The following LRRTM4 variants were observed in gnomAD, a reference collection of about 807,000 sequenced individuals.
LRRTM4 encodes the protein leucine rich repeat transmembrane neuronal 4.
Under a neutral mutation model 47.6 loss-of-function variants are expected in LRRTM4, and 25 were observed. The ratio of observed to expected loss-of-function variants is 0.53; its 90% CI spans 0.38 to 0.73. The LOEUF (loss-of-function observed/expected upper bound fraction) is 0.73. Ranked by LOEUF, LRRTM4 falls within the 30% of genes least tolerant of loss-of-function variation. The pLI is 0.00. For synonymous variants in LRRTM4, 311 were observed against 269.5 expected, an observed-to-expected ratio of 1.15 and a Z score of -1.51; for missense variants, 638 against 713.4, an observed-to-expected ratio of 0.89 and a Z score of 1.20.
chr2:77,421,557 A>G (rs1674886083), intron 3 of LRRTM4, among the ~76,000 whole-genome samples: 1 of 152,012 alleles, frequency 6.6e-6, no homozygotes, highest in Non-Finnish European at 1.5e-5. Context: ...AATACAAAAA[A>G]TTAGCCGGGC....
chr2:77,089,417 C>G (rs549025927), intron 3 of LRRTM4, among the ~76,000 whole-genome samples: 22 of 151,350 alleles, frequency 1.5e-4, no homozygotes, highest in Non-Finnish European at 2.5e-4. Flanking sequence ...TGCCCCAATC[C>G]CTTATTTCCG....
At chr2:77,040,788 T>C in intron 3 of LRRTM4, among the ~76,000 whole-genome samples, 1 of 151,332 alleles carries the variant, frequency 6.6e-6, no homozygotes, top group East Asian at 1.9e-4. Context: ...CATTTTAAGT[T>C]TTATTTTGTT....
chr2:77,369,631 T>A (rs1672587706), intron 3 of LRRTM4, among the ~76,000 whole-genome samples: 1 of 151,770 alleles, frequency 6.6e-6, no homozygotes, highest in Non-Finnish European at 1.5e-5. Context: ...TTATGGGTGC[T>A]TAACTACAGA....
intron 3 of LRRTM4, among the ~76,000 whole-genome samples, chr2:77,334,130 A>G (rs751127138): frequency 6.6e-6 from 1 of 152,260 alleles, no homozygotes; most frequent in Middle Eastern, 3.4e-3. Context: ...CCCCCATTGT[A>G]TCTAGGAAGT....
intron 3 of LRRTM4, among the ~76,000 whole-genome samples, chr2:76,974,918 A>G (rs889706593): frequency 1.3e-5 from 2 of 151,712 alleles, no homozygotes; most frequent in Admixed American, 1.3e-4. Flanking sequence ...TTTTAATAAT[A>G]ATATCTTTTT....
At chr2:77,174,190 G>C (rs1673130615) in intron 3 of LRRTM4, among the ~76,000 whole-genome samples, 1 of 152,062 alleles carries the variant, frequency 6.6e-6, no homozygotes, top group African/African-American at 2.4e-5. Flanking sequence ...GACACTGGTG[G>C]TTCTTATTCT....
At chr2:76,784,023 G>T (rs547575414) in intron 3 of LRRTM4, among the ~76,000 whole-genome samples, 23 of 152,216 alleles carry the variant, frequency 1.5e-4, no homozygotes, top group Admixed American at 3.3e-4. Context: ...ATGTTTTATT[G>T]TGAAAGTGAG....
intron 3 of LRRTM4, among the ~76,000 whole-genome samples, chr2:76,947,519 T>G (rs906093294): frequency 1.2e-4 from 18 of 151,890 alleles, no homozygotes; most frequent in African/African-American, 4.1e-4. Context: ...TTTGTGTTAT[T>G]TAGTGTTCAC....
chr2:76,961,414 A>T (rs1391507439), intron 3 of LRRTM4, among the ~76,000 whole-genome samples: 7 of 151,448 alleles, frequency 4.6e-5, no homozygotes, highest in African/African-American at 1.7e-4. Flanking sequence ...AGAAAAAAAA[A>T]AACTCATCGT....
chr2:76,809,508 T>G (rs1670664631), intron 3 of LRRTM4, among the ~76,000 whole-genome samples: 1 of 152,126 alleles, frequency 6.6e-6, no homozygotes, highest in African/African-American at 2.4e-5. Context: ...GGGGAAAAAT[T>G]GTAACCTACA....
intron 3 of LRRTM4, among the ~76,000 whole-genome samples, chr2:77,188,058 T>A (rs1199974839): frequency 1.3e-5 from 2 of 152,176 alleles, no homozygotes; most frequent in Non-Finnish European, 2.9e-5. Context: ...TCTTAAAAAT[T>A]AGTGTGATGA....
In LRRTM4 at chr2:77,067,686, T is replaced by TACACACACACACACAC. The variant is rs3058033; in HGVS notation, c.1552-318786_1552-318771dup. ...ACGGTGATTGGTTTTCAAAGATACG[T>TACACACACACACACAC]ACACACACACACACACACACACACA... On this transcript the variant is annotated intron_variant, in intron 3 of 3. Transcript: ENST00000409884. Among the ~76,000 whole-genome samples the TACACACACACACACAC allele has an allele frequency of 1.1e-3, 152 of 140,788 alleles. 1 individual carries two copies. Among genetic ancestry groups the TACACACACACACACAC allele is most frequent in the South Asian group, 6.0e-3 (26 of 4,298 alleles). The allele number at this position is 140,788 out of a possible 152,430, so 92.4% of individuals were successfully genotyped here.
intron 3 of LRRTM4, among the ~76,000 whole-genome samples, chr2:77,406,658 T>C (rs532607654): frequency 6.6e-6 from 1 of 152,254 alleles, no homozygotes; most frequent in Admixed American, 6.5e-5. Flanking sequence ...TTTTATATTA[T>C]AACAGTAATA....
chr2:76,751,865 C>A (rs557737848), intron 3 of LRRTM4, among the ~76,000 whole-genome samples: 1 of 152,160 alleles, frequency 6.6e-6, no homozygotes, highest in East Asian at 1.9e-4. Flanking sequence ...GTAATACAGC[C>A]CATTCGTACT....
At chr2:77,410,801 T>G (rs1232473184) in intron 3 of LRRTM4, among the ~76,000 whole-genome samples, 2 of 152,174 alleles carry the variant, frequency 1.3e-5, no homozygotes, top group African/African-American at 4.8e-5. Context: ...CACATCAGTC[T>G]CTGGAGGATA....
intron 3 of LRRTM4, among the ~76,000 whole-genome samples, chr2:77,346,972 C>T (rs1045371716): frequency 1.3e-5 from 2 of 152,142 alleles, no homozygotes; most frequent in African/African-American, 4.8e-5. Flanking sequence ...GCACTCTGCA[C>T]TCCCTCTTCC....
intron 3 of LRRTM4, among the ~76,000 whole-genome samples, chr2:76,791,850 G>C (rs1229905411): frequency 7.9e-5 from 12 of 152,152 alleles, no homozygotes; most frequent in African/African-American, 2.2e-4. Context: ...TAATAAGCTA[G>C]TTTCCAATAT....
At chr2:77,084,676 T>TTAACCTC (rs1391071856) in intron 3 of LRRTM4, among the ~76,000 whole-genome samples, 1 of 152,186 alleles carries the variant, frequency 6.6e-6, no homozygotes, top group Non-Finnish European at 1.5e-5. Context: ...TTCAAGTTAT[T>TTAACCTC]TAACCTCTCT....
At chr2:77,243,662 G>T (rs1675338266) in intron 3 of LRRTM4, among the ~76,000 whole-genome samples, 1 of 151,852 alleles carries the variant, frequency 6.6e-6, no homozygotes, top group African/African-American at 2.4e-5. Context: ...CTAGTGAACT[G>T]TACACCTAGA....
Sources: allele counts gnomAD v4.1 joint callset (sites outside exome capture counted in the v4.1 genomes callset), GRCh38; gene constraint gnomAD v4.1.1; transcripts MANE v1.5; gene names NCBI Gene and HGNC (gene_info 2026-07-23, HGNC 2026-07-21).